FLVCR2: variants seen among roughly 807,000 people sequenced by gnomAD.
FLVCR2 encodes the protein FLVCR choline and putative heme transporter 2.
FLVCR2 carries 38 observed loss-of-function variants against 48.9 expected under a neutral mutation model. The ratio of observed to expected loss-of-function variants is 0.78; its 90% CI spans 0.60 to 1.02. FLVCR2 has a LOEUF of 1.02. FLVCR2 is among the 50% of genes least tolerant of loss of function. The pLI, the probability that FLVCR2 is intolerant of heterozygous loss-of-function variation, is 0.00. For synonymous variants in FLVCR2, 255 were observed against 257.0 expected (o/e 0.99, Z 0.07); for missense variants, 664 against 663.3 (o/e 1.00, Z -0.01).
chr14:75,581,636 G>A (rs1158502498), intron 1 of FLVCR2, among the ~76,000 whole-genome samples: 1 of 152,190 alleles, frequency 6.6e-6, no homozygotes, highest in Non-Finnish European at 1.5e-5. Context: ...GACCCTGTGG[G>A]AAAGGCCTCT....
rs1890437876 is a variant in FLVCR2, at chr14:75,647,059, A to G, written c.*587A>G. 1 of 168,176 alleles carries G rather than the reference A, an allele frequency of 5.9e-6. No homozygotes were observed. Among genetic ancestry groups the G allele is most frequent in the Admixed American group, 5.5e-5 (1 of 18,266 alleles). 10.4% of individuals were successfully genotyped at this position (168,176 alleles called of 1,614,324 possible). A position where few individuals can be genotyped will look rare whatever the true frequency, so the allele number is the denominator to read the frequency against. On this transcript the variant is annotated 3_prime_UTR_variant, in exon 10 of 10. Transcript: ENST00000238667. ...TCCTGGCCTAACGGGTCTGTCTCCA[A>G]ACCCTCTTTCCTAAGAGCTGAGCAA... is the stretch of plus-strand genomic sequence containing the variant.
At chr14:75,587,241 A>G (rs1259720616) in intron 1 of FLVCR2, among the ~76,000 whole-genome samples, 1 of 152,172 alleles carries the variant, frequency 6.6e-6, no homozygotes, top group African/African-American at 2.4e-5. Context: ...ACTACTGAGT[A>G]GTAAAAGAGA....
At chr14:75,585,258 G>A (rs992605657) in intron 1 of FLVCR2, among the ~76,000 whole-genome samples, 2 of 152,166 alleles carry the variant, frequency 1.3e-5, no homozygotes, top group Non-Finnish European at 2.9e-5. Flanking sequence ...GTAAAAGAAT[G>A]CCTGGATGTC....
intron 5 of FLVCR2, among the ~76,000 whole-genome samples, chr14:75,638,620 A>G (rs1199830530): frequency 1.3e-5 from 2 of 152,110 alleles, no homozygotes; most frequent in African/African-American, 2.4e-5. Context: ...TGTCACCGCC[A>G]CCTCATCATG....
intron 9 of FLVCR2, among the ~76,000 whole-genome samples, chr14:75,642,776 G>A (rs1890331663): frequency 6.6e-6 from 1 of 152,144 alleles, no homozygotes; most frequent in African/African-American, 2.4e-5. Flanking sequence ...ATATGAATGT[G>A]TGTATATAAA....
chr14:75,633,321 G>A (rs1890091372), intron 3 of FLVCR2, among the ~76,000 whole-genome samples: 1 of 152,170 alleles, frequency 6.6e-6, no homozygotes, highest in Non-Finnish European at 1.5e-5. Context: ...TAAGAAGAAT[G>A]TAGATGACTC....
chr14:75,583,591 G>T (rs1029907372), intron 1 of FLVCR2, among the ~76,000 whole-genome samples: 2 of 152,138 alleles, frequency 1.3e-5, no homozygotes, highest in Non-Finnish European at 2.9e-5. Context: ...GGAATGAGGT[G>T]TGGCTGTAGC....
chr14:75,583,660 A>G (rs1402439450), intron 1 of FLVCR2, among the ~76,000 whole-genome samples: 5 of 152,132 alleles, frequency 3.3e-5, no homozygotes, highest in African/African-American at 4.8e-5. Flanking sequence ...TAATAAGGGA[A>G]CTGGGCAGGT....
Position 75,635,657 on chromosome 14 carries a change from G to A in FLVCR2, c.1124+644G>A, listed in dbSNP as rs185604975. 9.3e-3 allele frequency among the ~76,000 whole-genome samples: 1,414 copies of A among 152,150 alleles called. 16 individuals carry two copies. The highest frequency in any genetic ancestry group is 0.024 in the Middle Eastern group (7 of 294). On this transcript the variant is annotated intron_variant, in intron 5 of 9. Transcript: ENST00000238667. ...AGGCAGGAGGATTGCTTGAGTCTAG[G>A]AGCTCAAAACCAGCCTGGGCAACAT...
chr14:75,609,196 G>A (rs1889374138), intron 1 of FLVCR2, among the ~76,000 whole-genome samples: 1 of 152,184 alleles, frequency 6.6e-6, no homozygotes, highest in Non-Finnish European at 1.5e-5. Context: ...ATGGGAAAGG[G>A]AAGGTCCCTG....
Position 75,641,213 on chromosome 14 carries a change from G to A in FLVCR2, c.1373G>A (p.Gly458Asp), listed in dbSNP as rs755468465. The stretch of plus-strand genomic sequence containing the variant: ...GGGATCATCTTTACCATCTCCCAGG[G>A]CCAGATTATTGACAACTATGGAACC... ...VFGIIFTISQ[G>D]QIIDNYGTKP... Residue 458 changes from glycine (G) to aspartate (D), a missense_variant, in exon 8 of 10, where the codon GGC (glycine) becomes GAC (aspartate). By Grantham distance (94) the Gly-to-Asp change is moderately conservative (BLOSUM62 -1). Coordinates refer to ENST00000238667, the MANE Select transcript of FLVCR2 (RefSeq NM_017791.3). 6.2e-7 allele frequency: 1 copy of A among 1,613,716 alleles called. No homozygotes were observed. Among genetic ancestry groups the A allele is most frequent in the African/African-American group, 1.3e-5 (1 of 74,852 alleles).
chr14:75,634,918 A>C lies in FLVCR2; in HGVS notation c.1029A>C (p.Glu343Asp). ...RMVIWHYPGE[E>D]VNAGRIGLTI... ...GGTTATGGTTTCCCCAGGGGGAAGA[A>C]GTGAATGCTGGAAGAATTGGCCTGA... Residue 343 changes from glutamate to aspartate, a missense_variant, in exon 5 of 10, where the codon GAA (glutamate) becomes GAC (aspartate). Coordinates refer to ENST00000238667, the MANE Select transcript of FLVCR2 (RefSeq NM_017791.3). 1 of 1,612,620 alleles carries C rather than the reference A, an allele frequency of 6.2e-7. No homozygotes were observed.
intron 1 of FLVCR2, among the ~76,000 whole-genome samples, chr14:75,600,228 G>C (rs1011406050): frequency 2.0e-5 from 3 of 152,140 alleles, no homozygotes; most frequent in Non-Finnish European, 4.4e-5. Flanking sequence ...GACCATGACA[G>C]TTTACAAATG....
intron 1 of FLVCR2, chr14:75,596,255 G>A (rs7144814): frequency 0.34 from 194,379 of 579,394 alleles, 43,359 homozygotes; most frequent in African/African-American, 0.77. Flanking sequence ...ATGACTGTCT[G>A]CTTTCTAGCC....
intron 5 of FLVCR2, among the ~76,000 whole-genome samples, chr14:75,639,141 G>A (rs562227613): frequency 6.6e-6 from 1 of 152,348 alleles, no homozygotes; most frequent in African/African-American, 2.4e-5. Context: ...AGCCCAGGAG[G>A]TAGAGGTTTC....
At chr14:75,619,237 ATAAT>A (rs1448191515) in intron 1 of FLVCR2, among the ~76,000 whole-genome samples, 1 of 152,134 alleles carries the variant, frequency 6.6e-6, no homozygotes, top group Non-Finnish European at 1.5e-5. Context: ...GAAAATAATA[ATAAT>A]TAATTAAAAA....
chr14:75,598,179 G>T (rs1033192273), intron 1 of FLVCR2, among the ~76,000 whole-genome samples: 1 of 152,084 alleles, frequency 6.6e-6, no homozygotes, highest in Non-Finnish European at 1.5e-5. Context: ...TTGCTGTAAG[G>T]TTCAGTGGGA....
At chr14:75,628,279 G>A (rs563367814) in intron 3 of FLVCR2, among the ~76,000 whole-genome samples, 2 of 152,138 alleles carry the variant, frequency 1.3e-5, no homozygotes, top group African/African-American at 4.8e-5. Flanking sequence ...CACATCCAGG[G>A]AATTTTTGTG....
intron 6 of FLVCR2, 134 bp downstream of exon 6, chr14:75,639,596 G>C (rs1164073462): frequency 4.1e-6 from 3 of 729,680 alleles, no homozygotes. Flanking sequence ...ATGGTGCCCA[G>C]GGGTCTCGGT....
Sources: allele counts gnomAD v4.1 joint callset (sites outside exome capture counted in the v4.1 genomes callset), GRCh38; gene constraint gnomAD v4.1.1; transcripts MANE v1.5; gene names NCBI Gene and HGNC (gene_info 2026-07-23, HGNC 2026-07-21).